Variants in ZC3H12D observed in about 807,000 individuals in gnomAD.
ZC3H12D encodes the protein zinc finger CCCH-type containing 12D.
Under a neutral mutation model 24.2 loss-of-function variants are expected in ZC3H12D, and 11 were observed. The observed-to-expected ratio is 0.46, with a 90% CI of 0.29 to 0.75. ZC3H12D has a LOEUF of 0.75. ZC3H12D is among the 30% of genes least tolerant of loss of function. The pLI is 0.11. For synonymous variants in ZC3H12D, 333 were observed against 341.8 expected, an observed-to-expected ratio of 0.97 and a Z score of 0.28; for missense variants, 740 against 767.7, an observed-to-expected ratio of 0.96 and a Z score of 0.43.
chr6:149,457,105 C>G (rs3765290), intron 3 of ZC3H12D, among the ~76,000 whole-genome samples: 25,114 of 152,248 alleles, frequency 0.16, 3,394 homozygotes, highest in East Asian at 0.72. Context: ...GTCAAGCAGG[C>G]AGGCGCGTGG....
At chr6:149,461,719 G>T (rs888508642) in intron 3 of ZC3H12D, 112 bp downstream of exon 3, 5 of 1,228,940 alleles carry the variant, frequency 4.1e-6, no homozygotes, top group Non-Finnish European at 5.6e-6. Context: ...GCGCAGTGAG[G>T]AAGACAAATA....
At chr6:149,477,992 A>C (rs447025) in intron 1 of ZC3H12D, among the ~76,000 whole-genome samples, 92,182 of 151,324 alleles carry the variant, frequency 0.61, 28,772 homozygotes, top group East Asian at 0.86. Context: ...TATAGAGAAA[A>C]CCCCTCTCTA....
intron 1 of ZC3H12D, among the ~76,000 whole-genome samples, chr6:149,480,093 G>A (rs542778801): frequency 3.3e-5 from 5 of 152,210 alleles, no homozygotes; most frequent in Admixed American, 2.6e-4. Flanking sequence ...CCTTGTGTAA[G>A]AAACATTTGC....
intron 2 of ZC3H12D, among the ~76,000 whole-genome samples, chr6:149,464,705 A>G (rs1776123852): frequency 6.6e-6 from 1 of 152,218 alleles, no homozygotes; most frequent in South Asian, 2.1e-4. Flanking sequence ...GCTGTTGAAT[A>G]AACGAATGGC....
At chr6:149,480,749 A>C (rs1340363431) in intron 1 of ZC3H12D, among the ~76,000 whole-genome samples, 1 of 151,910 alleles carries the variant, frequency 6.6e-6, no homozygotes, top group African/African-American at 2.4e-5. Flanking sequence ...AAAAAACAAA[A>C]AAAACAAACA....
chr6:149,456,623 G>GGGGGGCGGCCC lies in ZC3H12D; in HGVS notation c.680+42_680+43insGGGCCGCCCCC. 1.3e-6 allele frequency: 1 copy of GGGGGGCGGCCC among 744,590 alleles called. No homozygotes were observed. 46.1% of individuals were successfully genotyped at this position (744,590 alleles called of 1,614,324 possible). A position where few individuals can be genotyped will look rare whatever the true frequency, so the allele number is the denominator to read the frequency against. Reference sequence around the variant, plus strand: ...GCCACTGCCTCGACCCCGGCCCCCCGCCCCGCCGCCCCCCAGGGTGTCAGG... The same window carrying GGGGGGCGGCCC: ...GCCACTGCCTCGACCCCGGCCCCCCGGGGGGCGGCCCCCCCGCCGCCCCCCAGGGTGTCAGG... On this transcript the variant is annotated intron_variant, in intron 4 of 5. Coordinates refer to ENST00000409806, the MANE Select transcript of ZC3H12D (RefSeq NM_207360.3). The surrounding 1 kb of genome is among the most constrained non-coding windows in gnomAD (Gnocchi z 4.3).
At chr6:149,458,025 C>T (rs1776011437) in intron 3 of ZC3H12D, among the ~76,000 whole-genome samples, 1 of 151,310 alleles carries the variant, frequency 6.6e-6, no homozygotes, top group South Asian at 2.1e-4. Flanking sequence ...TAGGACAACC[C>T]TAGTTTTAGA....
At position 149,474,858 on chromosome 6, in the gene ZC3H12D, C is replaced by T. The variant is rs1306167798; in HGVS notation, c.-70-245G>A. 2.0e-5 allele frequency among the ~76,000 whole-genome samples: 3 copies of T among 152,342 alleles called. No individual in the cohort carries two copies. The East Asian group carries it at 5.8e-4, about 29-fold the overall frequency. ...GGCAGGGCACACACCCGACCGCACACCAGGGCTGCAGGGGCTGAGCGTGCA... is the reference window on the plus strand; with the variant it reads ...GGCAGGGCACACACCCGACCGCACATCAGGGCTGCAGGGGCTGAGCGTGCA... On this transcript the variant is annotated intron_variant, in intron 1 of 5. Transcript: ENST00000409806.
chr6:149,479,678 T>C (rs550932100), intron 1 of ZC3H12D, among the ~76,000 whole-genome samples: 1 of 152,300 alleles, frequency 6.6e-6, no homozygotes, highest in South Asian at 2.1e-4. Flanking sequence ...AGATGATGCC[T>C]AGTATATCTG....
At chr6:149,479,239 A>G (rs929975570) in intron 1 of ZC3H12D, among the ~76,000 whole-genome samples, 1 of 152,040 alleles carries the variant, frequency 6.6e-6, no homozygotes, top group African/African-American at 2.4e-5. Flanking sequence ...CGTGTGCCTG[A>G]AATCCCAGCC....
intron 1 of ZC3H12D, among the ~76,000 whole-genome samples, chr6:149,475,043 C>T (rs1382909664): frequency 6.6e-6 from 1 of 152,114 alleles, no homozygotes; most frequent in Non-Finnish European, 1.5e-5. Context: ...GTCCCTAATC[C>T]AATATGACTG....
At chr6:149,473,826 G>A (rs919684001) in intron 2 of ZC3H12D, among the ~76,000 whole-genome samples, 3 of 151,964 alleles carry the variant, frequency 2.0e-5, no homozygotes, top group Non-Finnish European at 2.9e-5. Flanking sequence ...CCAGAGTCTC[G>A]CAGCCGGTTA....
intron 1 of ZC3H12D, among the ~76,000 whole-genome samples, chr6:149,478,129 T>C (rs1439617590): frequency 1.4e-5 from 2 of 143,412 alleles, no homozygotes; most frequent in Admixed American, 7.3e-5. Flanking sequence ...ATCATGCCAC[T>C]GCACTCCAGC....
rs552420773 is a variant in ZC3H12D, at chr6:149,465,746, C to A, written c.306-3776G>T. Among the ~76,000 whole-genome samples, 17 of 133,104 alleles carry A rather than the reference C, an allele frequency of 1.3e-4. No individual in the cohort carries two copies. In the South Asian group the frequency reaches 3.5e-3, roughly 28 times the overall value. The allele number at this position is 133,104 out of a possible 152,430, so 87.3% of individuals were successfully genotyped here. On this transcript the variant is annotated intron_variant, in intron 2 of 5. Transcript: ENST00000409806. ...CTCCAGCCTGGGCGACAGAGCGAGA[C>A]GCCATCTCAAAAAAAAAAAAGGGGG...
At chr6:149,483,984 A>G (rs779579568) in intron 1 of ZC3H12D, among the ~76,000 whole-genome samples, 9 of 152,206 alleles carry the variant, frequency 5.9e-5, no homozygotes, top group Non-Finnish European at 8.8e-5. Flanking sequence ...TGCTGTGAAC[A>G]TAAGTGTGCC....
intron 3 of ZC3H12D, chr6:149,459,557 C>T (rs997185228): frequency 5.6e-6 from 4 of 717,036 alleles, no homozygotes; most frequent in Non-Finnish European, 1.0e-5. Flanking sequence ...TCTTGGAGCA[C>T]TTCTGGTGGT....
intron 1 of ZC3H12D, among the ~76,000 whole-genome samples, chr6:149,477,284 C>T (rs1199199143): frequency 6.6e-6 from 1 of 152,260 alleles, no homozygotes; most frequent in Non-Finnish European, 1.5e-5. Flanking sequence ...CACAGCCAGC[C>T]CCCTGGACAG....
At position 149,456,671 on chromosome 6, in the gene ZC3H12D, G is replaced by A. The variant is rs767946272; in HGVS notation, c.675C>T (p.Asn225=). The A allele has an allele frequency of 1.2e-6, 2 of 1,611,836 alleles. No homozygotes were observed. Among genetic ancestry groups the A allele is most frequent in the Admixed American group, 1.7e-5 (1 of 60,008 alleles). Residue 225 remains asparagine, a synonymous_variant, in exon 4 of 6, where the codon AAC becomes AAT. Coordinates refer to ENST00000409806, the MANE Select transcript of ZC3H12D (RefSeq NM_207360.3). This position sits in a 1 kb window ranked among gnomAD's most constrained non-coding sequence, Gnocchi z 4.3. ...AGGACCCCAGCCGGACCTACCGGTC[G>A]TTGACGAAGGAGAACATGAGCAGCC... is the stretch of plus-strand genomic sequence containing the variant. ...EQRLLMFSFV[N]DRFMPPDDPL...
At position 149,450,998 on chromosome 6, in the gene ZC3H12D, G is replaced by A; in HGVS notation, c.1269C>T (p.His423=). The change falls in exon 6 of 6, where the codon CAC becomes CAT. Residue 423 remains histidine (H), a synonymous_variant. Coordinates refer to ENST00000409806, the MANE Select transcript of ZC3H12D (RefSeq NM_207360.3). The part of the protein sequence containing the change: ...PRGEHRPRDL[H]GDLLSPRRPP... ...GCCTGCGCGGGGAAAGCAAGTCGCC[G>A]TGCAGGTCCCTAGGGCGGTGTTCGC... 1 of 1,515,240 alleles carries A rather than the reference G, an allele frequency of 6.6e-7. No individual in the cohort carries two copies. Among genetic ancestry groups the A allele is most frequent in the South Asian group, 1.3e-5 (1 of 78,416 alleles). 93.9% of individuals were successfully genotyped at this position (1,515,240 alleles called of 1,614,324 possible). A position where few individuals can be genotyped will look rare whatever the true frequency, so the allele number is the denominator to read the frequency against.
Sources: gnomAD v4.1 joint callset for allele counts (sites outside exome capture counted in the v4.1 genomes callset) on GRCh38, gnomAD v4.1.1 for gene constraint, Gnocchi (gnomAD v3.1) non-coding constraint, MANE v1.5 for transcripts, NCBI Gene and HGNC (gene_info 2026-07-23, HGNC 2026-07-21) for gene names.